Variants in SUPT3H observed in about 807,000 individuals in gnomAD.
SUPT3H encodes the protein SPT3 homolog, SAGA and STAGA complex component.
Under a neutral mutation model 44.3 loss-of-function variants are expected in SUPT3H, and 44 were observed. That is an observed-to-expected ratio of 0.99 (90% CI 0.78 to 1.28). The LOEUF is 1.28. SUPT3H is among the 50% of genes most tolerant of loss of function. The probability of loss-of-function intolerance (pLI) is 0.00; values close to 1 mark genes in which losing one functional copy is unlikely to be tolerated. For missense variants in SUPT3H, 380 were observed against 387.1 expected, an observed-to-expected ratio of 0.98 and a Z score of 0.15; for synonymous variants, 124 against 125.6, an observed-to-expected ratio of 0.99 and a Z score of 0.09.
chr6:44,882,009 T>C (rs749908906), intron 10 of SUPT3H, among the ~76,000 whole-genome samples: 13 of 152,042 alleles, frequency 8.6e-5, no homozygotes, highest in Non-Finnish European at 1.5e-4. Flanking sequence ...ATTCAAAAGC[T>C]AGCAGAAGCC....
chr6:44,907,214 A>G (rs951784072), intron 10 of SUPT3H, among the ~76,000 whole-genome samples: 1 of 152,232 alleles, frequency 6.6e-6, no homozygotes, highest in Non-Finnish European at 1.5e-5. Context: ...TATTTTCACT[A>G]TATTTAATCT....
chr6:45,242,015 T>G (rs1303915052), intron 2 of SUPT3H, among the ~76,000 whole-genome samples: 1 of 152,218 alleles, frequency 6.6e-6, no homozygotes, highest in Non-Finnish European at 1.5e-5. Context: ...AATTACATTA[T>G]TCCAACAGTA....
At chr6:45,367,971 T>C (rs1795434742) in intron 1 of SUPT3H, among the ~76,000 whole-genome samples, 1 of 152,188 alleles carries the variant, frequency 6.6e-6, no homozygotes, top group Non-Finnish European at 1.5e-5. Context: ...TCTTTTGACA[T>C]TAACTTCTTT....
chr6:44,962,586 T>TC (rs1459162447), intron 6 of SUPT3H, among the ~76,000 whole-genome samples: 6 of 151,378 alleles, frequency 4.0e-5, no homozygotes, highest in Non-Finnish European at 8.8e-5. Flanking sequence ...ATTTAATTTT[T>TC]TTTTTCTGTT....
intron 9 of SUPT3H, among the ~76,000 whole-genome samples, chr6:44,950,730 C>T (rs772932298): frequency 5.3e-5 from 8 of 151,650 alleles, no homozygotes; most frequent in Non-Finnish European, 5.9e-5. Flanking sequence ...AAATAAAATG[C>T]ACTGTGTATT....
chr6:45,127,171 G>A (rs764349887), intron 2 of SUPT3H, among the ~76,000 whole-genome samples: 1 of 152,066 alleles, frequency 6.6e-6, no homozygotes, highest in Non-Finnish European at 1.5e-5. Flanking sequence ...AAAATTAGCT[G>A]GGTGCAGTGG....
At chr6:45,018,260 G>C (rs981725917) in intron 4 of SUPT3H, among the ~76,000 whole-genome samples, 1 of 152,118 alleles carries the variant, frequency 6.6e-6, no homozygotes, top group Non-Finnish European at 1.5e-5. Flanking sequence ...AGACGATGGG[G>C]TTTTCTAGAT....
Position 45,298,366 on chromosome 6 carries a change from T to C in SUPT3H, c.101+66835A>G, listed in dbSNP as rs112728913. ...CTTAAAAGAAAAAAAAAGTAGGTTA[T>C]CAAGAGGAGAATGGGAGGTGTATCA... On this transcript the variant is annotated intron_variant, in intron 2 of 10. Coordinates refer to ENST00000371459, the MANE Select transcript of SUPT3H (RefSeq NM_003599.4). 9.1e-3 allele frequency among the ~76,000 whole-genome samples: 1,379 copies of C among 152,288 alleles called. 14 individuals carry two copies. Among genetic ancestry groups the C allele is most frequent in the South Asian group, 0.028 (137 of 4,826 alleles).
chr6:45,154,087 A>AAAAAAAACAAAAC (rs70996303), intron 2 of SUPT3H, among the ~76,000 whole-genome samples: 1 of 114,596 alleles, frequency 8.7e-6, no homozygotes, highest in Non-Finnish European at 1.8e-5. Flanking sequence ...AAAAAAAAAA[A>AAAAAAAACAAAAC]AGCGCTTAGT....
chr6:45,119,461 C>G (rs1277656113), intron 2 of SUPT3H, among the ~76,000 whole-genome samples: 2 of 152,102 alleles, frequency 1.3e-5, no homozygotes, highest in African/African-American at 4.8e-5. Flanking sequence ...CCACAAGGAG[C>G]CTTCCCTATG....
intron 2 of SUPT3H, among the ~76,000 whole-genome samples, chr6:45,329,874 G>A (rs1430996851): frequency 6.6e-6 from 1 of 151,696 alleles, no homozygotes; most frequent in Non-Finnish European, 1.5e-5. Context: ...CAACTACAAG[G>A]CAAGTTTTCA....
chr6:44,870,854 G>A (rs935100953), intron 10 of SUPT3H, among the ~76,000 whole-genome samples: 4 of 151,694 alleles, frequency 2.6e-5, no homozygotes, highest in African/African-American at 9.7e-5. Context: ...AGGGGTCAGG[G>A]AGTTCCCTTT....
At chr6:44,896,994 T>C (rs894903111) in intron 10 of SUPT3H, among the ~76,000 whole-genome samples, 1 of 152,228 alleles carries the variant, frequency 6.6e-6, no homozygotes, top group Non-Finnish European at 1.5e-5. Flanking sequence ...TTTCTGAGTA[T>C]GTGACTTAAA....
At chr6:45,274,971 A>T (rs2153663565) in intron 2 of SUPT3H, among the ~76,000 whole-genome samples, 1 of 152,246 alleles carries the variant, frequency 6.6e-6, no homozygotes, top group South Asian at 2.1e-4. Context: ...TTTTCTATTA[A>T]TGAGGCATAT....
chr6:45,187,276 C>T (rs1190931535), intron 2 of SUPT3H, among the ~76,000 whole-genome samples: 1 of 151,782 alleles, frequency 6.6e-6, no homozygotes, highest in Non-Finnish European at 1.5e-5. Context: ...TTAGCTGGAC[C>T]AGGTGGCGGG....
At chr6:44,855,149 T>C (rs1028390879) in intron 10 of SUPT3H, among the ~76,000 whole-genome samples, 8 of 152,164 alleles carry the variant, frequency 5.3e-5, no homozygotes, top group African/African-American at 1.9e-4. Flanking sequence ...CACACAAACA[T>C]CTTGCACTTT....
chr6:44,883,852 C>T (rs1778674139), intron 10 of SUPT3H, among the ~76,000 whole-genome samples: 1 of 152,120 alleles, frequency 6.6e-6, no homozygotes, highest in Admixed American at 6.5e-5. Flanking sequence ...CTTCCTTACA[C>T]CTTATACAAA....
At chr6:45,180,010 T>G (rs1584077215) in intron 2 of SUPT3H, among the ~76,000 whole-genome samples, 3 of 151,986 alleles carry the variant, frequency 2.0e-5, no homozygotes, top group South Asian at 2.1e-4. Flanking sequence ...ATAAGCAACT[T>G]CAGCAAAGTC....
chr6:45,195,333 G>T (rs764963336), intron 2 of SUPT3H, among the ~76,000 whole-genome samples: 1 of 152,172 alleles, frequency 6.6e-6, no homozygotes. Context: ...CTAGGTACAG[G>T]TGTGTAGGTT....
Sources: gnomAD v4.1 joint callset for allele counts (sites outside exome capture counted in the v4.1 genomes callset) on GRCh38, gnomAD v4.1.1 for gene constraint, MANE v1.5 for transcripts, NCBI Gene and HGNC (gene_info 2026-07-23, HGNC 2026-07-21) for gene names.